LARGE1: variants seen among roughly 807,000 people sequenced by gnomAD.
LARGE1 encodes the protein xylosyl- and glucuronyltransferase LARGE1.
In LARGE1, 43 loss-of-function variants were observed where a neutral mutation model predicts 87.6. The ratio of observed to expected loss-of-function variants is 0.49; its 90% CI spans 0.38 to 0.63. The LOEUF is 0.63. Ranked by LOEUF, LARGE1 falls within the 30% of genes least tolerant of loss-of-function variation. LARGE1 has a pLI of 0.00. For synonymous variants in LARGE1, 434 were observed against 394.6 expected (o/e 1.10, Z -1.18); for missense variants, 802 against 1,000.2 (o/e 0.80, Z 2.67).
chr22:33,455,288 C>T (rs964427379), intron 6 of LARGE1, among the ~76,000 whole-genome samples: 1 of 152,216 alleles, frequency 6.6e-6, no homozygotes, highest in African/African-American at 2.4e-5. Flanking sequence ...GCTGTTTCCA[C>T]CACCTGGGCT....
chr22:33,873,702 C>T (rs1195058397), intron 1 of LARGE1, among the ~76,000 whole-genome samples: 2 of 152,110 alleles, frequency 1.3e-5, no homozygotes, highest in African/African-American at 4.8e-5. Context: ...TTGTATGATC[C>T]TTTCTCAGAT....
At position 33,227,737 on chromosome 22, in the gene LARGE1, T is replaced by G. The variant is rs1385118570; in HGVS notation, c.1731-60905A>C. 2.0e-5 allele frequency among the ~76,000 whole-genome samples: 3 copies of G among 152,322 alleles called. No individual in the cohort carries two copies. The East Asian group carries it at 5.8e-4, about 29-fold the overall frequency. On this transcript the variant is annotated intron_variant, in intron 11 of 11. Coordinates refer to the LARGE1 transcript ENST00000608642. The stretch of plus-strand genomic sequence containing the variant: ...AAAGCTGGATCTAAAAGAAAAAGTT[T>G]CCACAATGCTTAGCTGCACAAGTAG...
At chr22:33,920,935 G>T (rs2065930174), upstream of LARGE1, among the ~76,000 whole-genome samples, 1 of 148,438 alleles carries the variant, frequency 6.7e-6, no homozygotes, top group African/African-American at 2.4e-5. Context: ...GCGGGCGCTG[G>T]GGTCCGGGCT....
chr22:33,887,434 C>T (rs1018502397), intron 1 of LARGE1, among the ~76,000 whole-genome samples: 1 of 152,066 alleles, frequency 6.6e-6, no homozygotes, highest in Non-Finnish European at 1.5e-5. Flanking sequence ...GACCTAAACT[C>T]GTGTTATTTA....
At chr22:33,880,923 A>G (rs1214593058) in intron 1 of LARGE1, among the ~76,000 whole-genome samples, 1 of 152,146 alleles carries the variant, frequency 6.6e-6, no homozygotes, top group Non-Finnish European at 1.5e-5. Flanking sequence ...TTATTAGAAT[A>G]TATTTTATGT....
intron 2 of LARGE1, among the ~76,000 whole-genome samples, chr22:33,732,087 C>T (rs985131953): frequency 6.6e-6 from 1 of 152,106 alleles, no homozygotes; most frequent in Non-Finnish European, 1.5e-5. Flanking sequence ...GCAGGGCTTA[C>T]GGAAACAACA....
chr22:33,503,127 A>G (rs1053909008), intron 6 of LARGE1, among the ~76,000 whole-genome samples: 1 of 152,124 alleles, frequency 6.6e-6, no homozygotes, highest in African/African-American at 2.4e-5. Flanking sequence ...AATAAAAGGG[A>G]TGTGGGAAAG....
intron 1 of LARGE1, among the ~76,000 whole-genome samples, chr22:33,896,947 T>A (rs965528013): frequency 1.3e-5 from 2 of 151,822 alleles, no homozygotes; most frequent in Non-Finnish European, 2.9e-5. Context: ...CAGAGAGAGG[T>A]CCTCAAAGAG....
chr22:33,078,503 C>T, the LARGE1 span, among the ~76,000 whole-genome samples: 11,913 of 152,172 alleles, frequency 0.078, 1,391 homozygotes, highest in African/African-American at 0.25. Context: ...AGGAAAATAT[C>T]GAGGCACAGA....
At chr22:33,552,076 C>G (rs192797381) in intron 6 of LARGE1, among the ~76,000 whole-genome samples, 14 of 149,830 alleles carry the variant, frequency 9.3e-5, no homozygotes, top group African/African-American at 2.9e-4. Flanking sequence ...CCAGAAATAT[C>G]AGATCTTTTC....
intron 2 of LARGE1, chr22:33,732,698 G>A (rs1191857323): frequency 6.6e-6 from 1 of 152,216 alleles, no homozygotes; most frequent in Non-Finnish European, 1.5e-5. Context: ...ATGGGGAAAA[G>A]ATTGAATGTA....
intron 5 of LARGE1, among the ~76,000 whole-genome samples, chr22:33,603,666 G>A (rs2079169384): frequency 6.6e-6 from 1 of 152,312 alleles, no homozygotes; most frequent in South Asian, 2.1e-4. Context: ...AGGGGGCAAA[G>A]GGAACCAGAG....
chr22:33,523,511 C>G (rs955431461), intron 6 of LARGE1, among the ~76,000 whole-genome samples: 1 of 152,144 alleles, frequency 6.6e-6, no homozygotes, highest in African/African-American at 2.4e-5. Context: ...AGCCTATTGT[C>G]TGTGACATGA....
At chr22:33,386,905 C>T (rs191815699) in intron 7 of LARGE1, among the ~76,000 whole-genome samples, 1 of 148,018 alleles carries the variant, frequency 6.8e-6, no homozygotes, top group African/African-American at 2.4e-5. Flanking sequence ...AGTTCAAGAC[C>T]AGCCTGGCCA....
At chr22:33,656,311 A>C (rs926416422) in intron 2 of LARGE1, among the ~76,000 whole-genome samples, 1 of 152,152 alleles carries the variant, frequency 6.6e-6, no homozygotes, top group Non-Finnish European at 1.5e-5. Flanking sequence ...AGAGAATGAG[A>C]GTGAAGCGAA....
Position 33,538,491 on chromosome 22 carries a change from G to A in LARGE1, c.787+26357C>T, listed in dbSNP as rs561766374. ...CTAGTTAAAAAATGAATAGCATTAC[G>A]AAGGTACATTGTGCAATCTTCCCTG... On this transcript the variant is annotated intron_variant, in intron 6 of 14. Coordinates refer to ENST00000397394, the MANE Select transcript of LARGE1 (RefSeq NM_133642.5). Among the ~76,000 whole-genome samples, 3 of 152,250 alleles carry A rather than the reference G, an allele frequency of 2.0e-5. No homozygotes were observed. The South Asian group carries it at 6.2e-4, about 32-fold the overall frequency.
chr22:33,130,874 A>G, the LARGE1 span, among the ~76,000 whole-genome samples: 3 of 151,868 alleles, frequency 2.0e-5, no homozygotes, highest in Admixed American at 6.6e-5. Flanking sequence ...TCTACTGAAC[A>G]TACAAAAAAT....
At chr22:33,076,602 A>C in the LARGE1 span, among the ~76,000 whole-genome samples, 1 of 152,188 alleles carries the variant, frequency 6.6e-6, no homozygotes, top group Non-Finnish European at 1.5e-5. Flanking sequence ...GAATTGTATT[A>C]TACAAGTCCT....
At chr22:33,528,660 T>C (rs1158235116) in intron 6 of LARGE1, among the ~76,000 whole-genome samples, 1 of 152,146 alleles carries the variant, frequency 6.6e-6, no homozygotes, top group Non-Finnish European at 1.5e-5. Flanking sequence ...GGTTAGTAGA[T>C]ATCAGTCTCT....
Sources: allele counts gnomAD v4.1 joint callset (sites outside exome capture counted in the v4.1 genomes callset), GRCh38; gene constraint gnomAD v4.1.1; transcripts MANE v1.5; gene names NCBI Gene and HGNC (gene_info 2026-07-23, HGNC 2026-07-21).